The following DIAPH2 variants were observed in gnomAD, a reference collection of about 807,000 sequenced individuals.
DIAPH2 encodes the protein diaphanous related formin 2.
Under a neutral mutation model 92.7 loss-of-function variants are expected in DIAPH2, and 35 were observed. The observed-to-expected ratio is 0.38, with a 90% CI of 0.29 to 0.50. The LOEUF (loss-of-function observed/expected upper bound fraction) is 0.50. Among genes scored for constraint, DIAPH2 ranks in the 20% least tolerant of loss-of-function variants. The probability of loss-of-function intolerance (pLI) is 0.94; values close to 1 mark genes in which losing one functional copy is unlikely to be tolerated. For missense variants in DIAPH2, 701 were observed against 819.5 expected, an observed-to-expected ratio of 0.86 and a Z score of 1.77; for synonymous variants, 301 against 280.4, an observed-to-expected ratio of 1.07 and a Z score of -0.73.
At chrX:97,001,023 G>A (rs182445296) in intron 17 of DIAPH2, among the ~76,000 whole-genome samples, 89 of 112,202 alleles carry the variant, frequency 7.9e-4, no homozygotes, top group Non-Finnish European at 1.3e-3. Context: ...TGAGAATACT[G>A]AAGAGAGTTA....
chrX:96,734,599 G>T (rs1028776759), intron 1 of DIAPH2, among the ~76,000 whole-genome samples: 8 of 111,489 alleles, frequency 7.2e-5, no homozygotes, highest in African/African-American at 1.3e-4. Context: ...GATTGATTGG[G>T]GTTTGTGTCA....
At chrX:96,902,859 A>G (rs1457231565) in intron 5 of DIAPH2, among the ~76,000 whole-genome samples, 1 of 111,579 alleles carries the variant, frequency 9.0e-6, no homozygotes, top group East Asian at 2.8e-4. Flanking sequence ...GAGGAAAAAG[A>G]ACATTTGGAC....
chrX:97,156,216 G>A (rs2067321885), intron 22 of DIAPH2, among the ~76,000 whole-genome samples: 1 of 111,842 alleles, frequency 8.9e-6, no homozygotes, highest in Non-Finnish European at 1.9e-5. Context: ...AAACTCCATC[G>A]GCATGTAGAT....
At chrX:97,134,038 A>G (rs180976178) in intron 21 of DIAPH2, among the ~76,000 whole-genome samples, 32 of 112,470 alleles carry the variant, frequency 2.8e-4, no homozygotes, top group African/African-American at 8.7e-4. Flanking sequence ...ATAATCTGCT[A>G]GGTTATCTAG....
At chrX:96,742,670 CTTTT>C in intron 3 of DIAPH2, among the ~76,000 whole-genome samples, 1 of 100,933 alleles carries the variant, frequency 9.9e-6, no homozygotes, top group Admixed American at 1.1e-4. Context: ...GTTTTTCTTT[CTTTT>C]TTTTTTTTTT....
chrX:97,469,775 G>C, intron 26 of DIAPH2: 1 of 1,195,655 alleles, frequency 8.4e-7, no homozygotes, highest in Non-Finnish European at 1.1e-6. Context: ...ACAGGATTGG[G>C]TGATGGTACA....
intron 1 of DIAPH2, among the ~76,000 whole-genome samples, chrX:96,699,918 TA>T (rs1366760425): frequency 8.9e-6 from 1 of 112,733 alleles, no homozygotes; most frequent in Non-Finnish European, 1.9e-5. Flanking sequence ...GTAGTGAGTT[TA>T]AAAGGCTCTT....
At chrX:97,283,535 C>A (rs1298299992) in intron 23 of DIAPH2, among the ~76,000 whole-genome samples, 1 of 112,156 alleles carries the variant, frequency 8.9e-6, no homozygotes, top group Non-Finnish European at 1.9e-5. Context: ...AGGACTACTC[C>A]CTAGACATGA....
intron 23 of DIAPH2, among the ~76,000 whole-genome samples, chrX:97,345,715 T>C (rs957046482): frequency 1.8e-5 from 2 of 112,129 alleles, no homozygotes; most frequent in African/African-American, 6.5e-5. Context: ...TATTAATTTT[T>C]AATGGATTTA....
intron 1 of DIAPH2, among the ~76,000 whole-genome samples, chrX:96,707,038 C>G (rs1007375295): frequency 1.8e-5 from 2 of 110,238 alleles, no homozygotes; most frequent in African/African-American, 6.6e-5. Flanking sequence ...GTGACTCAAG[C>G]CTGTAATCCC....
chrX:97,263,054 A>G (rs1474809965), intron 23 of DIAPH2, among the ~76,000 whole-genome samples: 2 of 112,469 alleles, frequency 1.8e-5, no homozygotes, highest in African/African-American at 6.5e-5. Context: ...GAACACAGAC[A>G]GCAGAGAGGA....
At chrX:96,883,974 A>G in intron 5 of DIAPH2, 2 of 176,531 alleles carry the variant, frequency 1.1e-5, no homozygotes, top group Non-Finnish European at 2.1e-5. Flanking sequence ...TGGGACTTTT[A>G]ATAGATAGGC....
intron 26 of DIAPH2, among the ~76,000 whole-genome samples, chrX:97,510,375 ATTTG>A (rs2070878186): frequency 9.0e-6 from 1 of 111,216 alleles, no homozygotes; most frequent in Non-Finnish European, 1.9e-5. Flanking sequence ...TTTCTTGTAA[ATTTG>A]TTTGAGTTCA....
chrX:96,884,193 C>T lies in DIAPH2; in HGVS notation c.587+2475C>T, dbSNP rs780783593. 30 of 560,277 alleles carry T rather than the reference C, an allele frequency of 5.4e-5. No homozygotes were observed. The African/African-American group carries it at 5.9e-4, about 11-fold the overall frequency. The allele number at this position is 560,277 out of a possible 1,213,427, so 46.2% of individuals were successfully genotyped here. ...CTCCCAGCATTCAATCGTAGCCTTT[C>T]GGACAGCTCGAAGCCTTCTGTGGAG... On this transcript the variant is annotated intron_variant, in intron 5 of 26. Transcript: ENST00000324765.
intron 23 of DIAPH2, among the ~76,000 whole-genome samples, chrX:97,293,413 C>T (rs1185097974): frequency 9.2e-6 from 1 of 109,173 alleles, no homozygotes; most frequent in African/African-American, 3.3e-5. Flanking sequence ...CCACCAGGCC[C>T]AGCTAATTTT....
intron 22 of DIAPH2, among the ~76,000 whole-genome samples, chrX:97,240,467 G>A (rs2068084573): frequency 2.7e-5 from 3 of 110,267 alleles, no homozygotes; most frequent in Admixed American, 9.7e-5. Flanking sequence ...TTAGCCGGGC[G>A]TGGTGGCGGG....
intron 1 of DIAPH2, among the ~76,000 whole-genome samples, chrX:96,730,354 G>T (rs1437664006): frequency 8.9e-6 from 1 of 111,733 alleles, no homozygotes; most frequent in East Asian, 2.8e-4. Context: ...GCATTTGAAT[G>T]CCTGAACAGA....
chrX:97,499,358 T>C (rs1422908031), intron 26 of DIAPH2, among the ~76,000 whole-genome samples: 1 of 112,188 alleles, frequency 8.9e-6, no homozygotes, highest in Non-Finnish European at 1.9e-5. Flanking sequence ...GATACATTAA[T>C]GAATAACCTC....
intron 22 of DIAPH2, among the ~76,000 whole-genome samples, chrX:97,149,514 G>A (rs1353792787): frequency 9.1e-6 from 1 of 109,632 alleles, no homozygotes; most frequent in African/African-American, 3.3e-5. Flanking sequence ...GGCGGATCAC[G>A]AGGTCAGGAG....
Sources: allele counts gnomAD v4.1 joint callset (sites outside exome capture counted in the v4.1 genomes callset), GRCh38; gene constraint gnomAD v4.1.1; transcripts MANE v1.5; gene names NCBI Gene and HGNC (gene_info 2026-07-23, HGNC 2026-07-21).